RPS6KC1: variants seen among roughly 807,000 people sequenced by gnomAD.
The protein encoded by RPS6KC1 is inactive ribosomal protein S6 kinase delta-1.
In RPS6KC1, 54 loss-of-function variants were observed where a neutral mutation model predicts 103.8. That is an observed-to-expected ratio of 0.52 (90% CI 0.42 to 0.65). The LOEUF is 0.65. RPS6KC1 is among the 30% of genes least tolerant of loss of function. The probability of loss-of-function intolerance (pLI) is 0.00; values close to 1 mark genes in which losing one functional copy is unlikely to be tolerated. For synonymous variants in RPS6KC1, 439 were observed against 438.7 expected (o/e 1.00, Z -0.01); for missense variants, 1,151 against 1,253.8 (o/e 0.92, Z 1.24).
At chr1:213,558,210 A>G in the RPS6KC1 span, among the ~76,000 whole-genome samples, 1 of 152,248 alleles carries the variant, frequency 6.6e-6, no homozygotes, top group Non-Finnish European at 1.5e-5. Context: ...ATCTTTGCAG[A>G]TAACAGGAGT....
At chr1:213,838,775 G>C in the RPS6KC1 span, among the ~76,000 whole-genome samples, 1 of 152,106 alleles carries the variant, frequency 6.6e-6, no homozygotes, top group African/African-American at 2.4e-5. Context: ...TCCCTCTACT[G>C]GCACCAGATT....
At chr1:213,813,746 A>T in the RPS6KC1 span, among the ~76,000 whole-genome samples, 1 of 152,118 alleles carries the variant, frequency 6.6e-6, no homozygotes, top group Non-Finnish European at 1.5e-5. Flanking sequence ...TGGCCTTGGA[A>T]GTGGGGGAGC....
intron 10 of RPS6KC1, among the ~76,000 whole-genome samples, chr1:213,240,327 G>GA (rs2094322515): frequency 6.6e-6 from 1 of 151,982 alleles, no homozygotes; most frequent in Non-Finnish European, 1.5e-5. Context: ...GGCCATGCGT[G>GA]AAAAAATTAT....
intron 3 of RPS6KC1, among the ~76,000 whole-genome samples, chr1:213,099,345 G>C: frequency 6.6e-6 from 1 of 152,112 alleles, no homozygotes; most frequent in Non-Finnish European, 1.5e-5. Context: ...TAGACAAGTT[G>C]AAAGATGTGG....
chr1:213,119,681 A>G (rs532376968), intron 5 of RPS6KC1, among the ~76,000 whole-genome samples: 6 of 151,896 alleles, frequency 4.0e-5, no homozygotes, highest in Admixed American at 3.3e-4. Flanking sequence ...TTAGGAGCCT[A>G]TTTTAGTATA....
the RPS6KC1 span, among the ~76,000 whole-genome samples, chr1:213,781,833 TAGA>T: frequency 6.6e-6 from 1 of 152,098 alleles, no homozygotes; most frequent in Non-Finnish European, 1.5e-5. Flanking sequence ...TGGGTGGGCA[TAGA>T]AGAAGGGGTG....
chr1:213,608,339 G>A, the RPS6KC1 span, among the ~76,000 whole-genome samples: 5 of 152,170 alleles, frequency 3.3e-5, no homozygotes, highest in East Asian at 1.9e-4. Flanking sequence ...AAAAGCACCC[G>A]TGTTGCTCCC....
the RPS6KC1 span, among the ~76,000 whole-genome samples, chr1:213,396,006 G>A: frequency 6.6e-6 from 1 of 152,228 alleles, no homozygotes. Flanking sequence ...GCAGGTAGAT[G>A]TTTAAGAGGA....
the RPS6KC1 span, among the ~76,000 whole-genome samples, chr1:213,691,331 G>A: frequency 6.6e-6 from 1 of 152,156 alleles, no homozygotes; most frequent in Non-Finnish European, 1.5e-5. Flanking sequence ...TTATCTTCTT[G>A]CTTTTCTTTC....
chr1:213,500,903 A>G, the RPS6KC1 span, among the ~76,000 whole-genome samples: 1 of 152,240 alleles, frequency 6.6e-6, no homozygotes, highest in Admixed American at 6.5e-5. Context: ...AGAATATACT[A>G]GAAAACAGAA....
chr1:213,295,115 A>C, the RPS6KC1 span, among the ~76,000 whole-genome samples: 2 of 152,152 alleles, frequency 1.3e-5, no homozygotes, highest in African/African-American at 4.8e-5. Flanking sequence ...CATTTGTTTC[A>C]GAAGAATTCT....
the RPS6KC1 span, among the ~76,000 whole-genome samples, chr1:213,622,473 A>T: frequency 3.3e-5 from 5 of 151,980 alleles, no homozygotes; most frequent in African/African-American, 1.2e-4. Flanking sequence ...GTATCTACAG[A>T]CTAAATTCCA....
the RPS6KC1 span, among the ~76,000 whole-genome samples, chr1:213,699,606 T>C: frequency 6.6e-6 from 1 of 152,160 alleles, no homozygotes; most frequent in African/African-American, 2.4e-5. Flanking sequence ...ATGGTAGCTC[T>C]ATTTTTAGTT....
the RPS6KC1 span, among the ~76,000 whole-genome samples, chr1:213,783,667 G>C: frequency 8.2e-4 from 125 of 151,668 alleles, no homozygotes; most frequent in African/African-American, 2.6e-3. Context: ...TTTGTCACCA[G>C]CTGCCACTTT....
chr1:213,389,720 A>G, the RPS6KC1 span, among the ~76,000 whole-genome samples: 14 of 152,074 alleles, frequency 9.2e-5, no homozygotes, highest in Admixed American at 8.5e-4. Flanking sequence ...AGAAAATCTC[A>G]CGGAAATGCT....
chr1:213,636,681 A>G, the RPS6KC1 span, among the ~76,000 whole-genome samples: 3 of 152,312 alleles, frequency 2.0e-5, no homozygotes, highest in African/African-American at 4.8e-5. Flanking sequence ...AACCTAGGCA[A>G]TACCACTCAG....
chr1:213,566,111 T>C, the RPS6KC1 span, among the ~76,000 whole-genome samples: 1 of 152,188 alleles, frequency 6.6e-6, no homozygotes, highest in Non-Finnish European at 1.5e-5. Flanking sequence ...GATAGATATG[T>C]GATAAAGCAA....
the RPS6KC1 span, among the ~76,000 whole-genome samples, chr1:213,426,329 C>T: frequency 6.6e-6 from 1 of 152,128 alleles, no homozygotes; most frequent in Non-Finnish European, 1.5e-5. Context: ...GCCTTCTTTT[C>T]TCCTCCTTCA....
At chr1:213,595,037 T>A in the RPS6KC1 span, among the ~76,000 whole-genome samples, 1 of 152,152 alleles carries the variant, frequency 6.6e-6, no homozygotes, top group Admixed American at 6.5e-5. Context: ...TCCAGAACAA[T>A]ACTTCTTTAT....
Sources: gnomAD v4.1 joint callset for allele counts (sites outside exome capture counted in the v4.1 genomes callset) on GRCh38, gnomAD v4.1.1 for gene constraint, MANE v1.5 for transcripts, NCBI Gene and HGNC (gene_info 2026-07-23, HGNC 2026-07-21) for gene names.